AKAP6: variants seen among roughly 807,000 people sequenced by gnomAD.
AKAP6 encodes A-kinase anchor protein 6.
Under a neutral mutation model 188.5 loss-of-function variants are expected in AKAP6, and 58 were observed. That is an observed-to-expected ratio of 0.31 (90% CI 0.25 to 0.38). The LOEUF (loss-of-function observed/expected upper bound fraction) is 0.38, where lower values mean the gene tolerates loss of function less well. AKAP6 is among the 10% of genes least tolerant of loss of function. AKAP6 has a pLI of 1.00. For missense variants in AKAP6, 2,710 were observed against 2,740.0 expected, an observed-to-expected ratio of 0.99 and a Z score of 0.24; for synonymous variants, 989 against 998.6, an observed-to-expected ratio of 0.99 and a Z score of 0.18.
intron 2 of AKAP6, among the ~76,000 whole-genome samples, chr14:32,491,132 T>G (rs1879991880): frequency 6.6e-6 from 1 of 152,130 alleles, no homozygotes; most frequent in Admixed American, 6.6e-5. Flanking sequence ...ATCTCCCTTC[T>G]CCCTAATTGC....
intron 11 of AKAP6, among the ~76,000 whole-genome samples, chr14:32,749,001 C>T (rs2032022341): frequency 6.6e-6 from 1 of 152,078 alleles, no homozygotes; most frequent in South Asian, 2.1e-4. Context: ...AGGAGAGAAA[C>T]AAAATTTATA....
intron 4 of AKAP6, among the ~76,000 whole-genome samples, chr14:32,559,972 G>C (rs1296793441): frequency 6.6e-6 from 1 of 151,880 alleles, no homozygotes; most frequent in African/African-American, 2.4e-5. Flanking sequence ...TATTATAAAG[G>C]GCAAATTGAT....
intron 11 of AKAP6, among the ~76,000 whole-genome samples, chr14:32,757,711 C>T (rs1030724773): frequency 6.6e-6 from 1 of 152,200 alleles, no homozygotes; most frequent in African/African-American, 2.4e-5. Flanking sequence ...TTCCAAGGAA[C>T]ACACAGGCTA....
chr14:32,394,996 G>T (rs954510830), intron 1 of AKAP6, among the ~76,000 whole-genome samples: 1 of 152,016 alleles, frequency 6.6e-6, no homozygotes, highest in Admixed American at 6.6e-5. Context: ...CCTTCTCAGG[G>T]GCCTTGGTTA....
At chr14:32,354,770 C>T (rs536131778) in intron 1 of AKAP6, among the ~76,000 whole-genome samples, 1 of 152,320 alleles carries the variant, frequency 6.6e-6, no homozygotes, top group East Asian at 1.9e-4. Flanking sequence ...TTTCATGCCC[C>T]CTTACACTGA....
intron 5 of AKAP6, among the ~76,000 whole-genome samples, chr14:32,580,588 A>G (rs920664994): frequency 6.6e-6 from 1 of 152,144 alleles, no homozygotes; most frequent in Non-Finnish European, 1.5e-5. Flanking sequence ...GTTTTAGGGT[A>G]CATGTGCACA....
At chr14:32,687,945 C>T (rs1055648831) in intron 8 of AKAP6, among the ~76,000 whole-genome samples, 10 of 152,034 alleles carry the variant, frequency 6.6e-5, no homozygotes, top group African/African-American at 2.4e-4. Flanking sequence ...TATTACACCC[C>T]TTTAATGTGA....
At chr14:32,757,969 T>C (rs188970905) in intron 11 of AKAP6, among the ~76,000 whole-genome samples, 57 of 152,276 alleles carry the variant, frequency 3.7e-4, no homozygotes, top group African/African-American at 1.3e-3. Context: ...GAAATTCCTG[T>C]GTTGTTTTGT....
At chr14:32,735,578 A>G (rs1458430352) in intron 10 of AKAP6, 80 bp from the exon 11 acceptor site, 20 of 1,087,722 alleles carry the variant, frequency 1.8e-5, no homozygotes, top group Non-Finnish European at 2.6e-5. Flanking sequence ...AAGTTAATCT[A>G]TGTTTTTGTT....
At chr14:32,507,791 G>A (rs1880956790) in intron 2 of AKAP6, among the ~76,000 whole-genome samples, 1 of 152,200 alleles carries the variant, frequency 6.6e-6, no homozygotes, top group Non-Finnish European at 1.5e-5. Context: ...GGAGGGATAG[G>A]ATGATGATGC....
chr14:32,651,427 TG>T (rs1888220113), intron 7 of AKAP6, among the ~76,000 whole-genome samples: 2 of 152,212 alleles, frequency 1.3e-5, no homozygotes, highest in Non-Finnish European at 2.9e-5. Flanking sequence ...ATTCATTGTT[TG>T]TTTTACTATA....
chr14:32,712,342 GA>G (rs372185880), intron 9 of AKAP6, among the ~76,000 whole-genome samples: 2 of 152,132 alleles, frequency 1.3e-5, no homozygotes, highest in African/African-American at 4.8e-5. Context: ...CCTCAGTGTT[GA>G]TGGCTACCGA....
chr14:32,418,412 A>G (rs1317284649), intron 1 of AKAP6, among the ~76,000 whole-genome samples: 1 of 152,176 alleles, frequency 6.6e-6, no homozygotes, highest in Non-Finnish European at 1.5e-5. Context: ...CTTCCTTCCT[A>G]ACACATCACA....
intron 4 of AKAP6, among the ~76,000 whole-genome samples, chr14:32,567,996 C>T (rs375041832): frequency 6.6e-6 from 1 of 151,096 alleles, no homozygotes; most frequent in African/African-American, 2.4e-5. Context: ...AGGGGAGGGG[C>T]TGGAGAAGAG....
intron 2 of AKAP6, among the ~76,000 whole-genome samples, chr14:32,448,263 G>A (rs539450278): frequency 2.0e-5 from 3 of 152,212 alleles, no homozygotes; most frequent in Admixed American, 1.3e-4. Flanking sequence ...CTAACATTTC[G>A]TGACAATAAC....
intron 8 of AKAP6, among the ~76,000 whole-genome samples, chr14:32,680,652 C>A (rs1294711302): frequency 1.3e-5 from 2 of 152,112 alleles, no homozygotes; most frequent in African/African-American, 2.4e-5. Flanking sequence ...ATTATATGTA[C>A]TAATGTAGCT....
chr14:32,723,529 C>T (rs1283535783), intron 9 of AKAP6, among the ~76,000 whole-genome samples: 3 of 149,122 alleles, frequency 2.0e-5, no homozygotes, highest in Admixed American at 6.8e-5. Flanking sequence ...TGAGACTTCA[C>T]ATAATATATA....
intron 1 of AKAP6, among the ~76,000 whole-genome samples, chr14:32,361,888 C>T (rs976515258): frequency 7.3e-5 from 11 of 151,698 alleles, no homozygotes; most frequent in Admixed American, 2.6e-4. Flanking sequence ...AATTGTATGC[C>T]GGTTGCGGGG....
At chr14:32,622,942 C>T (rs879353766) in intron 7 of AKAP6, among the ~76,000 whole-genome samples, 1 of 152,054 alleles carries the variant, frequency 6.6e-6, no homozygotes, top group African/African-American at 2.4e-5. Context: ...TTTGAGGCAC[C>T]AATAATCAGA....
Sources: gnomAD v4.1 joint callset for allele counts (sites outside exome capture counted in the v4.1 genomes callset) on GRCh38, gnomAD v4.1.1 for gene constraint, MANE v1.5 for transcripts, NCBI Gene and HGNC (gene_info 2026-07-23, HGNC 2026-07-21) for gene names.